Variants in CFAP299 observed in about 807,000 individuals in gnomAD.
CFAP299 encodes the protein cilia and flagella associated protein 299, also known as cilia- and flagella-associated protein 299.
A neutral mutation model predicts 27.0 loss-of-function variants in CFAP299; 21 were observed. The ratio of observed to expected loss-of-function variants is 0.78; its 90% CI spans 0.55 to 1.12. The LOEUF (loss-of-function observed/expected upper bound fraction) is 1.12, where lower values mean the gene tolerates loss of function less well. Ranked by LOEUF, CFAP299 falls within the 50% of genes most tolerant of loss-of-function variation. The pLI, the probability that CFAP299 is intolerant of heterozygous loss-of-function variation, is 0.00. For missense variants in CFAP299, 310 were observed against 276.6 expected (o/e 1.12, Z -0.86); for synonymous variants, 104 against 98.1 (o/e 1.06, Z -0.36).
At chr4:80,641,313 T>C (rs920863118) in intron 3 of CFAP299, among the ~76,000 whole-genome samples, 1 of 152,156 alleles carries the variant, frequency 6.6e-6, no homozygotes, top group Non-Finnish European at 1.5e-5. Context: ...CAAGTGATTC[T>C]CCTGACTCAG....
chr4:80,632,075 C>A (rs78478186), intron 3 of CFAP299, among the ~76,000 whole-genome samples: 13,088 of 151,792 alleles, frequency 0.086, 1,396 homozygotes, highest in African/African-American at 0.24. Context: ...ATGCTGGCAC[C>A]CTGATCTTAG....
intron 2 of CFAP299, among the ~76,000 whole-genome samples, chr4:80,477,992 A>G (rs1730363913): frequency 6.6e-6 from 1 of 152,174 alleles, no homozygotes; most frequent in Non-Finnish European, 1.5e-5. Context: ...GTGATTCTGC[A>G]ATCCTATTTC....
intron 3 of CFAP299, among the ~76,000 whole-genome samples, chr4:80,861,492 G>A (rs541917844): frequency 2.0e-4 from 31 of 152,224 alleles, no homozygotes; most frequent in African/African-American, 6.3e-4. Context: ...GAAATCACCC[G>A]TCTTCTGCGT....
intron 3 of CFAP299, among the ~76,000 whole-genome samples, chr4:80,623,454 A>G (rs555537185): frequency 6.6e-5 from 10 of 152,222 alleles, no homozygotes; most frequent in Non-Finnish European, 1.2e-4. Flanking sequence ...ATGGCAAAGT[A>G]GAACTCTTTG....
chr4:80,647,638 G>A (rs1197576990), intron 3 of CFAP299, among the ~76,000 whole-genome samples: 2 of 152,090 alleles, frequency 1.3e-5, no homozygotes, highest in African/African-American at 2.4e-5. Flanking sequence ...TTTAGTTGTG[G>A]TGTATGCTAA....
At chr4:80,415,017 AAT>A (rs1726929252) in intron 2 of CFAP299, among the ~76,000 whole-genome samples, 2 of 152,194 alleles carry the variant, frequency 1.3e-5, no homozygotes, top group East Asian at 3.9e-4. Flanking sequence ...GTACTGAGTG[AAT>A]ATATATAAAT....
chr4:80,949,546 C>CAAA (rs66476856), intron 5 of CFAP299, among the ~76,000 whole-genome samples: 22 of 43,038 alleles, frequency 5.1e-4, no homozygotes, highest in East Asian at 1.1e-3. Flanking sequence ...ACAACAACAA[C>CAAA]AAAAAAAAAA....
At chr4:80,879,152 A>AAG (rs1733563479) in intron 4 of CFAP299, among the ~76,000 whole-genome samples, 1 of 152,154 alleles carries the variant, frequency 6.6e-6, no homozygotes, top group South Asian at 2.1e-4. Flanking sequence ...TTCAGGGGAC[A>AAG]CATTTCACCC....
chr4:80,905,012 T>C (rs1472370370), intron 4 of CFAP299, among the ~76,000 whole-genome samples: 1 of 152,220 alleles, frequency 6.6e-6, no homozygotes, highest in Non-Finnish European at 1.5e-5. Context: ...CTTATGATAC[T>C]TAAAAGTATG....
At chr4:80,634,047 A>C (rs1020800602) in intron 3 of CFAP299, among the ~76,000 whole-genome samples, 3 of 138,954 alleles carry the variant, frequency 2.2e-5, no homozygotes, top group Non-Finnish European at 3.0e-5. Context: ...TGAGTGGCAT[A>C]CTCTCGGCTC....
At chr4:80,362,393 A>T (rs1008576605) in intron 1 of CFAP299, among the ~76,000 whole-genome samples, 2 of 150,488 alleles carry the variant, frequency 1.3e-5, no homozygotes, top group African/African-American at 4.9e-5. Flanking sequence ...TATGAGTACC[A>T]TTGTCTCTAT....
chr4:80,507,047 C>T (rs1732070513), intron 2 of CFAP299, among the ~76,000 whole-genome samples: 1 of 152,108 alleles, frequency 6.6e-6, no homozygotes, highest in Non-Finnish European at 1.5e-5. Flanking sequence ...TTAAAGGAAG[C>T]AATTTCTTAA....
intron 3 of CFAP299, among the ~76,000 whole-genome samples, chr4:80,727,257 G>A (rs1381985158): frequency 6.6e-6 from 1 of 151,676 alleles, no homozygotes; most frequent in African/African-American, 2.4e-5. Context: ...TTTTCCTTCT[G>A]GAATATTTTA....
intron 3 of CFAP299, among the ~76,000 whole-genome samples, chr4:80,772,759 T>A (rs1266608392): frequency 6.6e-6 from 1 of 152,128 alleles, no homozygotes; most frequent in African/African-American, 2.4e-5. Flanking sequence ...TTCCCCTCCC[T>A]GTGTCCATGT....
At chr4:80,843,079 T>A (rs56916393) in intron 3 of CFAP299, among the ~76,000 whole-genome samples, 5,400 of 151,154 alleles carry the variant, frequency 0.036, 198 homozygotes, top group African/African-American at 0.099. Context: ...TATATATATA[T>A]AAATATATAT....
At chr4:80,660,716 G>A (rs1740798558) in intron 3 of CFAP299, among the ~76,000 whole-genome samples, 1 of 152,074 alleles carries the variant, frequency 6.6e-6, no homozygotes, top group Non-Finnish European at 1.5e-5. Context: ...AGCAACAGGA[G>A]GCTTCAGAAA....
intron 3 of CFAP299, among the ~76,000 whole-genome samples, chr4:80,767,240 T>C (rs908109783): frequency 6.6e-6 from 1 of 152,166 alleles, no homozygotes; most frequent in Non-Finnish European, 1.5e-5. Flanking sequence ...TAATGGTGAC[T>C]ATTAATAAAT....
intron 2 of CFAP299, among the ~76,000 whole-genome samples, chr4:80,530,744 G>A (rs1214532253): frequency 2.6e-5 from 4 of 152,138 alleles, no homozygotes; most frequent in Non-Finnish European, 5.9e-5. Flanking sequence ...TTGATATGAC[G>A]ATAGTTAGAA....
At chr4:80,443,677 C>T (rs1157727019) in intron 2 of CFAP299, among the ~76,000 whole-genome samples, 2 of 152,138 alleles carry the variant, frequency 1.3e-5, no homozygotes, top group Non-Finnish European at 2.9e-5. Context: ...GAAGTCCTGG[C>T]CAGGGCAGTC....
Sources: allele counts gnomAD v4.1 joint callset (sites outside exome capture counted in the v4.1 genomes callset), GRCh38; gene constraint gnomAD v4.1.1; transcripts MANE v1.5; gene names NCBI Gene and HGNC (gene_info 2026-07-23, HGNC 2026-07-21).